Variants in NIBAN1 observed in about 807,000 individuals in gnomAD.
NIBAN1 encodes the protein niban apoptosis regulator 1.
Under a neutral mutation model 75.1 loss-of-function variants are expected in NIBAN1, and 81 were observed. The ratio of observed to expected loss-of-function variants is 1.08; its 90% CI spans 0.90 to 1.30. The LOEUF (loss-of-function observed/expected upper bound fraction) is 1.30. NIBAN1 is among the 50% of genes most tolerant of loss of function. The pLI, the probability that NIBAN1 is intolerant of heterozygous loss-of-function variation, is 0.00. For synonymous variants in NIBAN1, 436 were observed against 424.8 expected, an observed-to-expected ratio of 1.03 and a Z score of -0.32; for missense variants, 1,133 against 1,128.1, an observed-to-expected ratio of 1.00 and a Z score of -0.06.
At chr1:184,864,690 A>T (rs1170452188) in intron 5 of NIBAN1, among the ~76,000 whole-genome samples, 2 of 152,106 alleles carry the variant, frequency 1.3e-5, no homozygotes, top group Non-Finnish European at 2.9e-5. Flanking sequence ...CACAAACTAG[A>T]CATCTAACAA....
intron 5 of NIBAN1, among the ~76,000 whole-genome samples, chr1:184,863,901 A>G (rs1655880782): frequency 1.3e-5 from 2 of 152,250 alleles, no homozygotes; most frequent in South Asian, 4.1e-4. Flanking sequence ...AAATGGAGAT[A>G]AAATTTGTTC....
At position 184,797,177 on chromosome 1, in the gene NIBAN1, T is replaced by C. The variant is rs1009515775; in HGVS notation, c.1666+902A>G. 3.4e-5 allele frequency among the ~76,000 whole-genome samples: 5 copies of C among 147,202 alleles called. No homozygotes were observed. The East Asian group carries it at 1.0e-3, about 29-fold the overall frequency. On this transcript the variant is annotated intron_variant, in intron 13 of 13. Coordinates refer to ENST00000367511, the MANE Select transcript of NIBAN1 (RefSeq NM_052966.4). Reference sequence around the variant, plus strand: ...TTTTTTGAGACCGAGTCTCACTCTGTCACCCAGGCTGGAGTGCAATGGCAC... The same window carrying C: ...TTTTTTGAGACCGAGTCTCACTCTGCCACCCAGGCTGGAGTGCAATGGCAC...
intron 1 of NIBAN1, among the ~76,000 whole-genome samples, chr1:184,959,956 C>T (rs1658587538): frequency 6.6e-6 from 1 of 152,072 alleles, no homozygotes; most frequent in South Asian, 2.1e-4. Flanking sequence ...TTTCTTTGTT[C>T]TCTTGTTTTC....
At chr1:184,891,266 G>T (rs1025747043) in intron 3 of NIBAN1, among the ~76,000 whole-genome samples, 7 of 152,134 alleles carry the variant, frequency 4.6e-5, no homozygotes, top group Admixed American at 6.5e-5. Flanking sequence ...TAAGAAAGAC[G>T]ATTGGAGGAC....
At chr1:184,924,306 T>C (rs187155953) in intron 1 of NIBAN1, among the ~76,000 whole-genome samples, 38 of 152,326 alleles carry the variant, frequency 2.5e-4, no homozygotes, top group Admixed American at 2.0e-3. Flanking sequence ...AATGATCATA[T>C]GGTTTTTGTC....
chr1:184,794,068 G>A lies in NIBAN1; in HGVS notation c.*909C>T, dbSNP rs573643259. On this transcript the variant is annotated 3_prime_UTR_variant, in exon 14 of 14. Transcript: ENST00000367511. ...TTCTCTTCCAGATTAAATTCCCTTG[G>A]ACCTTTTAATTTATGCTAGAACAAG... is the stretch of plus-strand genomic sequence containing the variant. 1.3e-5 allele frequency: 2 copies of A among 151,708 alleles called. No homozygotes were observed. Among genetic ancestry groups the A allele is most frequent in the South Asian group, 2.1e-4 (1 of 4,812 alleles). 9.4% of individuals were successfully genotyped at this position (151,708 alleles called of 1,614,324 possible).
At chr1:184,890,249 G>T in intron 3 of NIBAN1, 27 bp from the exon 4 acceptor site, 1 of 1,533,204 alleles carries the variant, frequency 6.5e-7, no homozygotes. Context: ...ACACAGGAAT[G>T]ATATCTTTTT....
At chr1:184,951,125 T>G (rs947235636) in intron 1 of NIBAN1, among the ~76,000 whole-genome samples, 2 of 152,166 alleles carry the variant, frequency 1.3e-5, no homozygotes, top group African/African-American at 4.8e-5. Flanking sequence ...GAGTGAGGCA[T>G]TGGCTTCAAG....
intron 1 of NIBAN1, among the ~76,000 whole-genome samples, chr1:184,930,436 T>C (rs1349658999): frequency 1.3e-5 from 2 of 152,162 alleles, no homozygotes; most frequent in Non-Finnish European, 2.9e-5. Context: ...CACATTTCTA[T>C]TTGTAGGGCA....
chr1:184,857,883 T>A lies in NIBAN1; in HGVS notation c.602-25921A>T, dbSNP rs1655719084. Among the ~76,000 whole-genome samples the A allele has an allele frequency of 2.6e-5, 4 of 151,758 alleles. No individual in the cohort carries two copies. The South Asian group carries it at 6.2e-4, about 24-fold the overall frequency. The stretch of plus-strand genomic sequence containing the variant: ...GAAAATGTTAGACCACTCATATACA[T>A]CATATATAAACATGATTTCCACACA... On this transcript the variant is annotated intron_variant, in intron 5 of 13. Coordinates refer to ENST00000367511, the MANE Select transcript of NIBAN1 (RefSeq NM_052966.4).
At chr1:184,818,955 A>G (rs989390237) in intron 8 of NIBAN1, 130 bp from the exon 9 acceptor site, 1 of 934,574 alleles carries the variant, frequency 1.1e-6, no homozygotes, top group East Asian at 2.6e-5. Flanking sequence ...AGAGGCCATG[A>G]CAGACTAGCA....
chr1:184,868,526 C>G (rs1656016382), intron 5 of NIBAN1: 1 of 152,142 alleles, frequency 6.6e-6, no homozygotes, highest in African/African-American at 2.4e-5. Flanking sequence ...CAGTTTACCA[C>G]AGGAACACCC....
At chr1:184,832,097 T>C in intron 5 of NIBAN1, 135 bp from the exon 6 acceptor site, 2 of 658,036 alleles carry the variant, frequency 3.0e-6, no homozygotes, top group Non-Finnish European at 2.7e-6. Flanking sequence ...ACAGAGAAAG[T>C]TAAGCAAGTA....
rs936636380 is a variant in NIBAN1, at chr1:184,974,262, G to T, written c.55+40C>A. ...ACCGCGGCAGCCAGCCTGGTGCACG[G>T]GTCAGGGTGCTCCCCAGGCCCCCGG... is the stretch of plus-strand genomic sequence containing the variant. On this transcript the variant is annotated intron_variant, in intron 1 of 13. Transcript: ENST00000367511. The T allele has an allele frequency of 2.0e-6, 3 of 1,532,568 alleles. 1 individual carries two copies. Among genetic ancestry groups the T allele is most frequent in the Non-Finnish European group, 2.6e-6 (3 of 1,146,556 alleles). 94.9% of individuals were successfully genotyped at this position (1,532,568 alleles called of 1,614,324 possible).
At position 184,798,052 on chromosome 1, in the gene NIBAN1, C is replaced by T. The variant is rs937686098; in HGVS notation, c.1666+27G>A. On this transcript the variant is annotated intron_variant, in intron 13 of 13. Coordinates refer to ENST00000367511, the MANE Select transcript of NIBAN1 (RefSeq NM_052966.4). ...GGGATGCTCCCCTCTATGGAGTGTC[C>T]CTGCAGCACCAGGTAACCTTTCTTA... is the stretch of plus-strand genomic sequence containing the variant. 3.3e-6 allele frequency: 5 copies of T among 1,503,058 alleles called. No individual in the cohort carries two copies. In the East Asian group the frequency reaches 9.1e-5, roughly 27 times the overall value. The allele number at this position is 1,503,058 out of a possible 1,614,324, so 93.1% of individuals were successfully genotyped here.
intron 1 of NIBAN1, among the ~76,000 whole-genome samples, chr1:184,940,778 C>T (rs931472701): frequency 2.0e-5 from 3 of 152,208 alleles, no homozygotes; most frequent in Non-Finnish European, 4.4e-5. Flanking sequence ...TCTGCATTCT[C>T]AGTTAATAGA....
chr1:184,932,876 C>CTATCTGT (rs1204806010), intron 1 of NIBAN1, among the ~76,000 whole-genome samples: 2 of 152,130 alleles, frequency 1.3e-5, no homozygotes, highest in Non-Finnish European at 2.9e-5. Context: ...AGTAGAAAAA[C>CTATCTGT]TATCTGTTTA....
intron 4 of NIBAN1, 120 bp downstream of exon 4, chr1:184,889,988 T>C (rs1656623291): frequency 1.3e-6 from 1 of 744,030 alleles, no homozygotes; most frequent in Non-Finnish European, 2.2e-6. Flanking sequence ...AACAAAAATG[T>C]CTCCAGATGC....
At chr1:184,914,608 AC>A (rs1657333343) in intron 1 of NIBAN1, among the ~76,000 whole-genome samples, 1 of 152,222 alleles carries the variant, frequency 6.6e-6, no homozygotes, top group African/African-American at 2.4e-5. Flanking sequence ...ATTGAGGATT[AC>A]AACATGATGC....
Sources: gnomAD v4.1 joint callset for allele counts (sites outside exome capture counted in the v4.1 genomes callset) on GRCh38, gnomAD v4.1.1 for gene constraint, MANE v1.5 for transcripts, NCBI Gene and HGNC (gene_info 2026-07-23, HGNC 2026-07-21) for gene names.